Variants in EIF4E3 observed in about 807,000 individuals in gnomAD.
EIF4E3 encodes eukaryotic translation initiation factor 4E family member 3.
Under a neutral mutation model 31.7 loss-of-function variants are expected in EIF4E3, and 26 were observed. That is an observed-to-expected ratio of 0.82 (90% CI 0.60 to 1.14). EIF4E3 has a LOEUF of 1.14. EIF4E3 is among the 50% of genes most tolerant of loss of function. The pLI is 0.00. For synonymous variants in EIF4E3, 128 were observed against 107.7 expected (o/e 1.19, Z -1.17); for missense variants, 304 against 270.9 (o/e 1.12, Z -0.86).
chr3:71,727,152 A>C (rs1332216506), upstream of EIF4E3, among the ~76,000 whole-genome samples: 1 of 152,192 alleles, frequency 6.6e-6, no homozygotes, highest in Non-Finnish European at 1.5e-5. Flanking sequence ...CAGAACACTA[A>C]CAAGTCCACA....
intron 1 of EIF4E3, among the ~76,000 whole-genome samples, chr3:71,742,694 T>G (rs570615546): frequency 5.7e-4 from 87 of 151,944 alleles, no homozygotes; most frequent in African/African-American, 2.1e-3. Flanking sequence ...CAGCTGGAGA[T>G]CAATAACCCT....
chr3:71,678,002 G>T lies in EIF4E3; in HGVS notation c.*6680C>A, dbSNP rs2048887260. On this transcript the variant is annotated 3_prime_UTR_variant, in exon 7 of 7. Transcript: ENST00000425534. The stretch of plus-strand genomic sequence containing the variant: ...CCCTATTATCAAATGTGTTCAACAG[G>T]GAAGTGTAAAAATAACAACAGTTAC... The T allele has an allele frequency of 1.3e-5, 2 of 152,094 alleles. No individual in the cohort carries two copies. Among genetic ancestry groups the T allele is most frequent in the African/African-American group, 4.8e-5 (2 of 41,404 alleles). 9.4% of individuals were successfully genotyped at this position (152,094 alleles called of 1,614,324 possible).
chr3:71,707,019 T>C (rs571472383), intron 2 of EIF4E3, among the ~76,000 whole-genome samples: 2 of 152,332 alleles, frequency 1.3e-5, no homozygotes, highest in South Asian at 2.1e-4. Context: ...CATACACCTC[T>C]GTGTTAGTGG....
At chr3:71,706,262 T>C (rs1466442360) in intron 2 of EIF4E3, among the ~76,000 whole-genome samples, 1 of 152,170 alleles carries the variant, frequency 6.6e-6, no homozygotes, top group Non-Finnish European at 1.5e-5. Context: ...AAGGCATGAC[T>C]GGCTCTTTCC....
intron 1 of EIF4E3, among the ~76,000 whole-genome samples, chr3:71,746,002 C>G (rs114553494): frequency 6.6e-6 from 1 of 152,188 alleles, no homozygotes. Flanking sequence ...ATACTGCCAC[C>G]TATGCCGTTA....
chr3:71,714,329 AAAG>A (rs112930216), intron 1 of EIF4E3, among the ~76,000 whole-genome samples: 1 of 151,758 alleles, frequency 6.6e-6, no homozygotes, highest in Non-Finnish European at 1.5e-5. Context: ...GGAAAGAAAG[AAAG>A]AAAGAGAAAA....
chr3:71,671,311 A>G (rs1357412778), downstream of EIF4E3, among the ~76,000 whole-genome samples: 1 of 152,048 alleles, frequency 6.6e-6, no homozygotes, highest in Non-Finnish European at 1.5e-5. Context: ...CCGGGTGAGC[A>G]GGAGGGGGCC....
At chr3:71,726,032 C>T (rs554120585), upstream of EIF4E3, among the ~76,000 whole-genome samples, 1 of 152,146 alleles carries the variant, frequency 6.6e-6, no homozygotes, top group South Asian at 2.1e-4. Flanking sequence ...GAAAGAAGAA[C>T]GAACAAGAGA....
rs1246929272 is a variant in EIF4E3 at position 71,682,813 on chromosome 3, G to T, written c.*1869C>A. 3 of 152,046 alleles carry T rather than the reference G, an allele frequency of 2.0e-5. No individual in the cohort carries two copies. The highest frequency in any genetic ancestry group is 4.9e-5 in the African/African-American group (2 of 41,076). 9.4% of individuals were successfully genotyped at this position (152,046 alleles called of 1,614,324 possible). ...TGTCATCACAAATGCTTTAAATAAA[G>T]TTCAAAAAATAAAAATACTTCAAAA... On this transcript the variant is annotated 3_prime_UTR_variant, in exon 7 of 7. Transcript: ENST00000425534.
upstream of EIF4E3, among the ~76,000 whole-genome samples, chr3:71,725,807 G>A (rs566607387): frequency 6.7e-3 from 1,019 of 152,198 alleles, 5 homozygotes; most frequent in Non-Finnish European, 8.8e-3. This position sits in a 1 kb window ranked among gnomAD's most constrained non-coding sequence, Gnocchi z 6.1. Flanking sequence ...ACAGGGGATG[G>A]AGCCCCAGAC....
At chr3:71,723,250 G>C (rs116008582) in intron 1 of EIF4E3, among the ~76,000 whole-genome samples, 2 of 152,184 alleles carry the variant, frequency 1.3e-5, no homozygotes, top group African/African-American at 4.8e-5. Flanking sequence ...CCTCAAGGGG[G>C]AGAGGGGCAC....
downstream of EIF4E3, among the ~76,000 whole-genome samples, chr3:71,670,420 A>G (rs2107980937): frequency 6.6e-6 from 1 of 151,882 alleles, no homozygotes. Context: ...GCACCCCCCC[A>G]ACCCCCGTGG....
chr3:71,730,598 T>C (rs760922016), intron 1 of EIF4E3, among the ~76,000 whole-genome samples: 1 of 152,208 alleles, frequency 6.6e-6, no homozygotes, highest in Non-Finnish European at 1.5e-5. Flanking sequence ...TCATTGAGCC[T>C]GGAAAATGTG....
At chr3:71,674,501 G>A (rs1432622468), downstream of EIF4E3, among the ~76,000 whole-genome samples, 5 of 152,142 alleles carry the variant, frequency 3.3e-5, no homozygotes, top group African/African-American at 9.7e-5. Context: ...GCAAATCAAC[G>A]CAGAAGTCAA....
At chr3:71,731,545 G>A (rs73090625) in intron 1 of EIF4E3, among the ~76,000 whole-genome samples, 10,966 of 152,160 alleles carry the variant, frequency 0.072, 503 homozygotes, top group Non-Finnish European at 0.098. Flanking sequence ...GGCCTCTCTT[G>A]TCCACCTTTG....
chr3:71,720,458 G>C (rs1041409910), intron 1 of EIF4E3, among the ~76,000 whole-genome samples: 2 of 152,040 alleles, frequency 1.3e-5, no homozygotes, highest in Non-Finnish European at 2.9e-5. Context: ...GCCTCCTAAA[G>C]TACTGTGATT....
chr3:71,713,768 C>A (rs1395502430), intron 1 of EIF4E3, among the ~76,000 whole-genome samples: 1 of 152,118 alleles, frequency 6.6e-6, no homozygotes, highest in Non-Finnish European at 1.5e-5. Context: ...AGATTGTATT[C>A]ATATAATATT....
upstream of EIF4E3, chr3:71,754,331 CT>C: frequency 7.9e-7 from 1 of 1,260,604 alleles, no homozygotes; most frequent in Non-Finnish European, 1.0e-6. This position sits in a 1 kb window ranked among gnomAD's most constrained non-coding sequence, Gnocchi z 5.8. Flanking sequence ...GCGCGCTGGG[CT>C]GCAAGCTGCT....
intron 5 of EIF4E3, among the ~76,000 whole-genome samples, chr3:71,691,031 T>C (rs1290339745): frequency 6.6e-6 from 1 of 152,246 alleles, no homozygotes; most frequent in Non-Finnish European, 1.5e-5. Context: ...TTATCCTCCC[T>C]TGCAGCCACT....
Sources: allele counts gnomAD v4.1 joint callset (sites outside exome capture counted in the v4.1 genomes callset), GRCh38; gene constraint gnomAD v4.1.1; non-coding constraint Gnocchi (gnomAD v3.1); transcripts MANE v1.5; gene names NCBI Gene and HGNC (gene_info 2026-07-23, HGNC 2026-07-21).